Variants in GRAMD1B observed in about 807,000 individuals in gnomAD.
The protein encoded by GRAMD1B is protein Aster-B.
GRAMD1B carries 37 observed loss-of-function variants against 99.7 expected under a neutral mutation model. The ratio of observed to expected loss-of-function variants is 0.37; its 90% confidence interval spans 0.29 to 0.49. The LOEUF (loss-of-function observed/expected upper bound fraction) is 0.49. Ranked by LOEUF, GRAMD1B falls within the 20% of genes least tolerant of loss-of-function variation. GRAMD1B has a pLI of 0.98. For synonymous variants in GRAMD1B, 427 were observed against 387.6 expected (o/e 1.10, Z -1.19); for missense variants, 888 against 1,009.2 (o/e 0.88, Z 1.63).
chr11:123,504,629 C>A (rs994661894), intron 2 of GRAMD1B, among the ~76,000 whole-genome samples: 1 of 152,170 alleles, frequency 6.6e-6, no homozygotes, highest in Non-Finnish European at 1.5e-5. Flanking sequence ...ATCCACAGCT[C>A]CTCTCTGTTT....
chr11:123,568,639 C>A (rs1466246992), intron 2 of GRAMD1B, among the ~76,000 whole-genome samples: 1 of 152,208 alleles, frequency 6.6e-6, no homozygotes, highest in Non-Finnish European at 1.5e-5. Context: ...AGCTTGGGAG[C>A]CCTTTCCCTT....
intron 1 of GRAMD1B, among the ~76,000 whole-genome samples, chr11:123,466,655 G>C (rs1264589030): frequency 6.6e-6 from 1 of 152,184 alleles, no homozygotes; most frequent in African/African-American, 2.4e-5. Context: ...GGGGACCCAG[G>C]GAGTAGGGGT....
At position 123,379,274 on chromosome 11, in the gene GRAMD1B, T is replaced by C. The variant is rs530650395; in HGVS notation, c.-176+20475T>C. ...ACCTCATCTAATTATTCAAATGGCA[T>C]CTGCAACATCCCAGGAAGACTTTCA... On this transcript the variant is annotated intron_variant, in intron 1 of 20. Transcript: ENST00000638157. Among the ~76,000 whole-genome samples, 17 of 152,322 alleles carry C rather than the reference T, an allele frequency of 1.1e-4. No homozygotes were observed. In the South Asian group the frequency reaches 3.5e-3, roughly 32 times the overall value.
rs1948823522 is a variant in GRAMD1B, at chr11:123,430,547, G to A, written c.-246G>A. The A allele has an allele frequency of 2.2e-6, 1 of 448,150 alleles. No homozygotes were observed. Among genetic ancestry groups the A allele is most frequent in the Non-Finnish European group, 3.9e-6 (1 of 254,864 alleles). The allele number at this position is 448,150 out of a possible 1,614,324, so 27.8% of individuals were successfully genotyped here. ...CTGGCAGGCGGCTCCCGCCCCTCCC[G>A]GGTGGCCTCGCCGGCGGCTGACGGC... On this transcript the variant is annotated 5_prime_UTR_variant, in exon 1 of 20. Coordinates refer to ENST00000635736, the MANE Select transcript of GRAMD1B (RefSeq NM_001387025.1).
chr11:123,364,180 A>G (rs1946240663), intron 1 of GRAMD1B, among the ~76,000 whole-genome samples: 1 of 152,224 alleles, frequency 6.6e-6, no homozygotes, highest in African/African-American at 2.4e-5. Context: ...ACTAGATAGC[A>G]ATAAAGAGTG....
intron 2 of GRAMD1B, among the ~76,000 whole-genome samples, chr11:123,544,791 G>A (rs1250235368): frequency 1.3e-5 from 2 of 152,266 alleles, no homozygotes; most frequent in African/African-American, 4.8e-5. Context: ...GTGCCAAAAA[G>A]GCAGCCTCTG....
At chr11:123,545,297 G>C (rs1432259371) in intron 2 of GRAMD1B, among the ~76,000 whole-genome samples, 7 of 152,192 alleles carry the variant, frequency 4.6e-5, no homozygotes, top group Non-Finnish European at 7.3e-5. Flanking sequence ...CGCCTTAGGT[G>C]CTTGTTAAAA....
rs1274204 is a variant in GRAMD1B, at chr11:123,625,606, C to T, written c.*3011C>T. 14,661 of 152,306 alleles carry T rather than the reference C, an allele frequency of 0.096. 889 individuals are homozygous for T. The highest frequency in any genetic ancestry group is 0.18 in the Admixed American group (2,739 of 15,266). 9.4% of individuals were successfully genotyped at this position (152,306 alleles called of 1,614,324 possible). A position where few individuals can be genotyped will look rare whatever the true frequency, so the allele number is the denominator to read the frequency against. On this transcript the variant is annotated 3_prime_UTR_variant, in exon 20 of 20. Coordinates refer to ENST00000635736, the MANE Select transcript of GRAMD1B (RefSeq NM_001387025.1). ...GCACTGACGGTTTGGAGACCTGAGC[C>T]TGGGTCCTGACTTTTCCATTGACTA...
At chr11:123,597,956 TG>T in intron 7 of GRAMD1B, 1 of 1,170,292 alleles carries the variant, frequency 8.5e-7, no homozygotes, top group Admixed American at 1.7e-5. Flanking sequence ...GAGCAGTCCT[TG>T]TTTTTTCAGA....
intron 1 of GRAMD1B, among the ~76,000 whole-genome samples, chr11:123,444,132 A>G (rs1456312013): frequency 1.3e-5 from 2 of 152,134 alleles, no homozygotes; most frequent in Non-Finnish European, 2.9e-5. Flanking sequence ...GAAGGGGAAA[A>G]GTCTAGTTAT....
In GRAMD1B at chr11:123,434,224, C is replaced by T. The variant is rs1163292218; in HGVS notation, c.374+3058C>T. On this transcript the variant is annotated intron_variant, in intron 1 of 19. Transcript: ENST00000635736. ...CAGCCTGGGCAACAGAGTGAGACTC[C>T]GTTTCCAAAAAAAAAAAAAAAAAAA... 3.1e-4 allele frequency among the ~76,000 whole-genome samples: 32 copies of T among 104,074 alleles called. 1 individual carries two copies. The highest frequency in any genetic ancestry group is 2.5e-4 in the African/African-American group (7 of 27,884). The allele number at this position is 104,074 out of a possible 152,430, so 68.3% of individuals were successfully genotyped here.
chr11:123,572,039 T>C (rs1297574872), intron 2 of GRAMD1B, among the ~76,000 whole-genome samples: 1 of 152,224 alleles, frequency 6.6e-6, no homozygotes, highest in Non-Finnish European at 1.5e-5. Flanking sequence ...ACACAGATCC[T>C]TTCTCATTCA....
intron 2 of GRAMD1B, among the ~76,000 whole-genome samples, chr11:123,481,787 C>G (rs1951623010): frequency 6.6e-6 from 1 of 152,144 alleles, no homozygotes; most frequent in Non-Finnish European, 1.5e-5. Context: ...TTTGCTGTAG[C>G]AAGTTAAACT....
intron 10 of GRAMD1B, 90 bp downstream of exon 10, chr11:123,605,568 G>C: frequency 9.8e-7 from 1 of 1,017,120 alleles, no homozygotes; most frequent in Non-Finnish European, 1.4e-6. Context: ...TGGGGAGCAG[G>C]TAGAGAGGAG....
intron 2 of GRAMD1B, among the ~76,000 whole-genome samples, chr11:123,563,669 C>A (rs1947048082): frequency 6.6e-6 from 1 of 152,120 alleles, no homozygotes; most frequent in African/African-American, 2.4e-5. Context: ...TGAACCACCA[C>A]ACCTGGCTAA....
intron 1 of GRAMD1B, among the ~76,000 whole-genome samples, chr11:123,391,366 C>T (rs1947271950): frequency 6.6e-6 from 1 of 152,136 alleles, no homozygotes; most frequent in Non-Finnish European, 1.5e-5. Context: ...TCTATTGTTC[C>T]TTATATATCT....
At chr11:123,480,386 C>T (rs1294229008) in intron 1 of GRAMD1B, among the ~76,000 whole-genome samples, 1 of 152,092 alleles carries the variant, frequency 6.6e-6, no homozygotes, top group African/African-American at 2.4e-5. Context: ...TCCTCCCACA[C>T]ATCTCACACC....
chr11:123,528,199 A>G (rs1394114998), intron 2 of GRAMD1B, among the ~76,000 whole-genome samples: 2 of 151,968 alleles, frequency 1.3e-5, no homozygotes, highest in African/African-American at 4.8e-5. Flanking sequence ...TAATGCTGAT[A>G]CTCTGGTACT....
intron 2 of GRAMD1B, among the ~76,000 whole-genome samples, chr11:123,535,276 C>T (rs1943846859): frequency 6.6e-6 from 1 of 151,068 alleles, no homozygotes; most frequent in South Asian, 2.1e-4. Flanking sequence ...TTAATACAAC[C>T]CTACAGGAAA....
Sources: gnomAD v4.1 joint callset for allele counts (sites outside exome capture counted in the v4.1 genomes callset) on GRCh38, gnomAD v4.1.1 for gene constraint, MANE v1.5 for transcripts, NCBI Gene and HGNC (gene_info 2026-07-23, HGNC 2026-07-21) for gene names.